The following POLN variants were observed in gnomAD, a reference collection of about 807,000 sequenced individuals.
POLN encodes DNA polymerase N.
A neutral mutation model predicts 113.5 loss-of-function variants in POLN; 108 were observed. The ratio of observed to expected loss-of-function variants is 0.95; its 90% CI spans 0.81 to 1.12. POLN has a LOEUF of 1.12. Ranked by LOEUF, POLN falls within the 50% of genes most tolerant of loss-of-function variation. POLN has a pLI of 0.00. For synonymous variants in POLN, 386 were observed against 391.5 expected (o/e 0.99, Z 0.17); for missense variants, 1,097 against 1,077.1 (o/e 1.02, Z -0.26).
At chr4:2,217,603 G>C (rs576070067) in intron 3 of POLN, among the ~76,000 whole-genome samples, 2 of 151,680 alleles carry the variant, frequency 1.3e-5, no homozygotes, top group Admixed American at 6.5e-5. Context: ...ATCTCTACCA[G>C]GGCCCAGTAG....
At chr4:2,087,989 G>C (rs1349342366) in intron 20 of POLN, among the ~76,000 whole-genome samples, 1 of 151,928 alleles carries the variant, frequency 6.6e-6, no homozygotes, top group African/African-American at 2.4e-5. Context: ...CACTGTGCCT[G>C]GTTAAGGAGT....
intron 3 of POLN, 57 bp from the exon 4 acceptor site, chr4:2,213,183 T>A: frequency 4.5e-6 from 5 of 1,102,430 alleles, no homozygotes; most frequent in Non-Finnish European, 6.7e-6. Flanking sequence ...GATATCTAAG[T>A]CACACAGTTA....
chr4:2,089,073 G>A, intron 20 of POLN: 1 of 871,496 alleles, frequency 1.1e-6, no homozygotes, highest in Non-Finnish European at 1.9e-6. Context: ...CGTGATGAAG[G>A]AGCAATGGAT....
rs772669141 is a variant in POLN at position 2,095,859 on chromosome 4, T to C, written c.2057A>G (p.Tyr686Cys). Residue 686 changes from tyrosine (Y) to cysteine (C), a missense_variant, in exon 20 of 26, where the codon TAT (tyrosine) becomes TGT (cysteine). Physicochemically the swap from Tyr to Cys is radical, Grantham distance 194. Transcript: ENST00000511885. ...CCCGGCCCGCAGCCTACCTGCTCCA[T>C]AGACCACCGCGTACACCACCTTCTT... ...QTKKVVYAVV[Y>C]GAGKERLAAC... 1.3e-4 allele frequency: 203 copies of C among 1,613,870 alleles called. No individual in the cohort carries two copies. Among genetic ancestry groups the C allele is most frequent in the Non-Finnish European group, 1.7e-4 (195 of 1,179,994 alleles).
chr4:2,137,481 G>A (rs1478089600), intron 16 of POLN, among the ~76,000 whole-genome samples: 1 of 152,258 alleles, frequency 6.6e-6, no homozygotes, highest in Non-Finnish European at 1.5e-5. Context: ...CCAGGCTGAT[G>A]CCACTGCACT....
At chr4:2,142,654 C>G (rs1047837507) in intron 16 of POLN, among the ~76,000 whole-genome samples, 1 of 152,100 alleles carries the variant, frequency 6.6e-6, no homozygotes, top group Non-Finnish European at 1.5e-5. Context: ...TGCCAATAAC[C>G]ACAGACAAAA....
At chr4:2,101,014 A>G (rs1054475639) in intron 19 of POLN, among the ~76,000 whole-genome samples, 3 of 152,242 alleles carry the variant, frequency 2.0e-5, no homozygotes, top group African/African-American at 4.8e-5. Flanking sequence ...TGTGTTGCAG[A>G]GGTGAAACAC....
At position 2,162,626 on chromosome 4, in the gene POLN, T is replaced by G. The variant is rs560776847; in HGVS notation, c.1555-3415A>C. On this transcript the variant is annotated intron_variant, in intron 13 of 25. Transcript: ENST00000511885. ...TGCATGCCACCATGCCCAGCTAATT[T>G]TTTTGTTTTTTGTAGGGATGAGGTT... 2.0e-3 allele frequency among the ~76,000 whole-genome samples: 302 copies of G among 152,244 alleles called. 4 individuals carry two copies. Among genetic ancestry groups the G allele is most frequent in the Non-Finnish European group, 2.8e-3 (189 of 68,002 alleles).
chr4:2,212,755 T>C (rs2108766223), intron 4 of POLN, among the ~76,000 whole-genome samples: 1 of 152,162 alleles, frequency 6.6e-6, no homozygotes, highest in East Asian at 1.9e-4. Flanking sequence ...CAGAAAGACA[T>C]CCCTGACTCT....
chr4:2,102,154 C>T (rs34388069), intron 19 of POLN, among the ~76,000 whole-genome samples: 172 of 152,256 alleles, frequency 1.1e-3, no homozygotes, highest in East Asian at 8.9e-3. Flanking sequence ...CCCTCCCTAG[C>T]CCTTCACCAA....
chr4:2,221,997 AC>A (rs1157400656), intron 3 of POLN, among the ~76,000 whole-genome samples: 7 of 151,810 alleles, frequency 4.6e-5, no homozygotes, highest in African/African-American at 1.2e-4. Context: ...AAAGCAAACT[AC>A]CCCCAGCCAC....
intron 3 of POLN, chr4:2,228,273 AC>A (rs919835073): frequency 5.9e-6 from 1 of 170,024 alleles, no homozygotes; most frequent in African/African-American, 2.4e-5. Flanking sequence ...CCAACAAAAA[AC>A]AAAACAAAAA....
intron 2 of POLN, chr4:2,238,640 C>T (rs754468481): frequency 6.2e-6 from 10 of 1,609,242 alleles, no homozygotes; most frequent in Middle Eastern, 1.7e-4. Flanking sequence ...AATGGTATTC[C>T]TTGGATTTAT....
intron 16 of POLN, among the ~76,000 whole-genome samples, chr4:2,155,187 G>T (rs1732392926): frequency 6.6e-6 from 1 of 152,216 alleles, no homozygotes; most frequent in Non-Finnish European, 1.5e-5. Context: ...AGCAGTTGTG[G>T]TTGGTTGAGA....
rs569387459 is a variant in POLN, at chr4:2,179,257, G to GA, written c.1179+50dup. On this transcript the variant is annotated intron_variant, in intron 8 of 25. Coordinates refer to ENST00000511885, the MANE Select transcript of POLN (RefSeq NM_181808.4). ...ATCAATAAAATAGAAAAAGCTTCCAGAAAAAATAGGATGTATTAAGGTTGA... is the reference window on the plus strand; with the variant it reads ...ATCAATAAAATAGAAAAAGCTTCCAGAAAAAAATAGGATGTATTAAGGTTGA... The GA allele has an allele frequency of 7.0e-5, 106 of 1,507,832 alleles. No individual in the cohort carries two copies. The African/African-American group carries it at 8.0e-4, about 11-fold the overall frequency. The allele number at this position is 1,507,832 out of a possible 1,614,324, so 93.4% of individuals were successfully genotyped here. A position where few individuals can be genotyped will look rare whatever the true frequency, so the allele number is the denominator to read the frequency against.
At chr4:2,085,258 T>A (rs537236207) in intron 21 of POLN, among the ~76,000 whole-genome samples, 1 of 152,342 alleles carries the variant, frequency 6.6e-6, no homozygotes, top group African/African-American at 2.4e-5. Context: ...TGAAATTTGT[T>A]TGGGTTTCCT....
At chr4:2,100,273 C>A (rs1022946470) in intron 19 of POLN, among the ~76,000 whole-genome samples, 3 of 151,688 alleles carry the variant, frequency 2.0e-5, no homozygotes, top group African/African-American at 7.3e-5. Context: ...TTTTTTGTAA[C>A]CAATGAAAAT....
In POLN at chr4:2,140,399, G is replaced by C. The variant is rs547406601; in HGVS notation, c.1732-9109C>G. Among the ~76,000 whole-genome samples the C allele has an allele frequency of 1.1e-3, 163 of 152,226 alleles. 2 individuals are homozygous for C. The highest frequency in any genetic ancestry group is 3.8e-3 in the African/African-American group (158 of 41,538). On this transcript the variant is annotated intron_variant, in intron 16 of 25. Coordinates refer to ENST00000511885, the MANE Select transcript of POLN (RefSeq NM_181808.4). ...GCCAGGATTTGTTAAATTGATGCAT[G>C]GAATAGGTTTAAAATTTGTAACTCT...
chr4:2,121,295 C>A (rs1398183881), intron 19 of POLN, among the ~76,000 whole-genome samples: 2 of 151,930 alleles, frequency 1.3e-5, no homozygotes, highest in Non-Finnish European at 2.9e-5. Flanking sequence ...ATTAGCTGGG[C>A]ATGGTGGCAG....
Sources: gnomAD v4.1 joint callset for allele counts (sites outside exome capture counted in the v4.1 genomes callset) on GRCh38, gnomAD v4.1.1 for gene constraint, MANE v1.5 for transcripts, NCBI Gene and HGNC (gene_info 2026-07-23, HGNC 2026-07-21) for gene names.